FSTL5: variants seen among roughly 807,000 people sequenced by gnomAD.
The protein encoded by FSTL5 is follistatin-related protein 5.
A neutral mutation model predicts 89.1 loss-of-function variants in FSTL5; 62 were observed. That is an observed-to-expected ratio of 0.70 (90% confidence interval 0.57 to 0.86). The LOEUF is 0.86. Among genes scored for constraint, FSTL5 ranks in the 40% least tolerant of loss-of-function variants. FSTL5 has a pLI of 0.00. For synonymous variants in FSTL5, 383 were observed against 346.2 expected (o/e 1.11, Z -1.18); for missense variants, 1,057 against 1,001.6 (o/e 1.06, Z -0.75).
chr4:161,491,460 A>G (rs1015342497), intron 12 of FSTL5, among the ~76,000 whole-genome samples: 5 of 151,742 alleles, frequency 3.3e-5, no homozygotes, highest in Non-Finnish European at 5.9e-5. Context: ...CTTTGCTCCT[A>G]TCATAAGGAG....
At chr4:161,644,548 A>T (rs1453910496) in intron 7 of FSTL5, among the ~76,000 whole-genome samples, 2 of 151,946 alleles carry the variant, frequency 1.3e-5, no homozygotes, top group African/African-American at 4.8e-5. Context: ...AAAGAACAGT[A>T]GTAATAAAAC....
At chr4:161,865,680 T>C (rs1431784025) in intron 4 of FSTL5, among the ~76,000 whole-genome samples, 1 of 152,086 alleles carries the variant, frequency 6.6e-6, no homozygotes, top group Non-Finnish European at 1.5e-5. Context: ...AAAAGCCTTC[T>C]GCCTTGATTT....
At chr4:161,553,185 C>T (rs1161404202) in intron 8 of FSTL5, among the ~76,000 whole-genome samples, 1 of 151,376 alleles carries the variant, frequency 6.6e-6, no homozygotes, top group Non-Finnish European at 1.5e-5. Context: ...GAAATGCCTT[C>T]AACCTAAATA....
rs1553992345 is a variant in FSTL5 at position 162,026,304 on chromosome 4, C to CTTTTTTTTTCTT, written c.160+7320_160+7321insAAGAAAAAAAAA. Among the ~76,000 whole-genome samples the CTTTTTTTTTCTT allele has an allele frequency of 3.8e-5, 3 of 79,474 alleles. 1 individual carries two copies. The highest frequency in any genetic ancestry group is 9.8e-5 in the African/African-American group (2 of 20,410). The allele number at this position is 79,474 out of a possible 152,430, so 52.1% of individuals were successfully genotyped here. ...TTTCAGGAGACAGCTTATGTATTTT[C>CTTTTTTTTTCTT]TTTTTTTTTTTTTTTCTTTTTGAGA... On this transcript the variant is annotated intron_variant, in intron 3 of 15. Transcript: ENST00000306100.
chr4:162,156,392 GTAGA>G (rs1733473324), intron 1 of FSTL5, among the ~76,000 whole-genome samples: 1 of 152,112 alleles, frequency 6.6e-6, no homozygotes, highest in African/African-American at 2.4e-5. Flanking sequence ...CGATTACTGG[GTAGA>G]TAGCCACAAG....
At chr4:162,051,440 G>A (rs6856655) in intron 2 of FSTL5, among the ~76,000 whole-genome samples, 13,882 of 151,144 alleles carry the variant, frequency 0.092, 759 homozygotes, top group Non-Finnish European at 0.12. Flanking sequence ...TAAATAATAT[G>A]AAAAGGAAGC....
chr4:162,027,205 A>G (rs1737327294), intron 3 of FSTL5, among the ~76,000 whole-genome samples: 1 of 152,112 alleles, frequency 6.6e-6, no homozygotes, highest in Non-Finnish European at 1.5e-5. Context: ...AATTGTAACA[A>G]CTTATTTCAA....
intron 4 of FSTL5, among the ~76,000 whole-genome samples, chr4:161,890,283 G>T (rs1247476062): frequency 6.6e-6 from 1 of 152,130 alleles, no homozygotes; most frequent in Non-Finnish European, 1.5e-5. Flanking sequence ...TTTAGATGCA[G>T]GATGATGTCA....
At chr4:161,640,184 G>C (rs1023773473) in intron 7 of FSTL5, among the ~76,000 whole-genome samples, 13 of 152,076 alleles carry the variant, frequency 8.5e-5, no homozygotes, top group Non-Finnish European at 1.8e-4. Flanking sequence ...TTAAAAAGAA[G>C]AAAATTCTGG....
intron 7 of FSTL5, among the ~76,000 whole-genome samples, chr4:161,631,602 G>A (rs1735508754): frequency 6.6e-6 from 1 of 152,100 alleles, no homozygotes; most frequent in African/African-American, 2.4e-5. Context: ...GGACGAAATA[G>A]TGAGATTCTG....
At chr4:161,801,243 T>C (rs1170713997) in intron 4 of FSTL5, among the ~76,000 whole-genome samples, 1 of 151,636 alleles carries the variant, frequency 6.6e-6, no homozygotes, top group African/African-American at 2.4e-5. Context: ...CAAAACTGCA[T>C]ATTTCCTATA....
At chr4:162,128,547 A>G (rs751754385) in intron 1 of FSTL5, among the ~76,000 whole-genome samples, 16 of 152,168 alleles carry the variant, frequency 1.1e-4, no homozygotes, top group Non-Finnish European at 1.9e-4. Flanking sequence ...ATCTGCATTA[A>G]TATTAGGCTT....
chr4:161,818,054 A>C (rs1730381646), intron 4 of FSTL5, among the ~76,000 whole-genome samples: 1 of 152,176 alleles, frequency 6.6e-6, no homozygotes. Flanking sequence ...GTGCCTATAA[A>C]AACCTGAAAC....
chr4:161,884,954 T>C (rs1222375616), intron 4 of FSTL5, among the ~76,000 whole-genome samples: 2 of 152,148 alleles, frequency 1.3e-5, no homozygotes, highest in Admixed American at 1.3e-4. Context: ...CAATTTTAGA[T>C]ATTTGAATAG....
chr4:161,744,723 G>T (rs1467011379), intron 6 of FSTL5, among the ~76,000 whole-genome samples: 2 of 151,992 alleles, frequency 1.3e-5, no homozygotes, highest in African/African-American at 4.8e-5. Context: ...GGAAAAGCCT[G>T]ATAAAATTGT....
intron 6 of FSTL5, among the ~76,000 whole-genome samples, chr4:161,716,101 T>A (rs1738971158): frequency 6.6e-6 from 1 of 152,104 alleles, no homozygotes; most frequent in Non-Finnish European, 1.5e-5. Context: ...CCACCCTCCT[T>A]GGTACACGGG....
At chr4:161,580,376 T>A in intron 8 of FSTL5, among the ~76,000 whole-genome samples, 1 of 152,216 alleles carries the variant, frequency 6.6e-6, no homozygotes, top group East Asian at 1.9e-4. Flanking sequence ...ACTTTAAATT[T>A]ATTTAAAATA....
chr4:161,550,827 T>A (rs929695792), intron 8 of FSTL5, among the ~76,000 whole-genome samples: 1 of 151,878 alleles, frequency 6.6e-6, no homozygotes, highest in South Asian at 2.1e-4. Context: ...AGTGAGAATA[T>A]GCGGTGTTTG....
intron 2 of FSTL5, among the ~76,000 whole-genome samples, chr4:162,058,316 G>A (rs1014412084): frequency 1.3e-5 from 2 of 151,904 alleles, no homozygotes; most frequent in Non-Finnish European, 2.9e-5. Context: ...TGGCCATATA[G>A]GAAAGCAAGG....
Sources: allele counts gnomAD v4.1 joint callset (sites outside exome capture counted in the v4.1 genomes callset), GRCh38; gene constraint gnomAD v4.1.1; transcripts MANE v1.5; gene names NCBI Gene and HGNC (gene_info 2026-07-23, HGNC 2026-07-21).